The following SORCS2 variants were observed in gnomAD, a reference collection of about 807,000 sequenced individuals.
The protein encoded by SORCS2 is sortilin related VPS10 domain containing receptor 2.
Under a neutral mutation model 141.6 loss-of-function variants are expected in SORCS2, and 100 were observed. The observed-to-expected ratio is 0.71, with a 90% CI of 0.60 to 0.83. The LOEUF (loss-of-function observed/expected upper bound fraction) is 0.83, where lower values mean the gene tolerates loss of function less well. SORCS2 is among the 40% of genes least tolerant of loss of function. SORCS2 has a pLI of 0.00. For synonymous variants in SORCS2, 789 were observed against 676.9 expected, an observed-to-expected ratio of 1.17 and a Z score of -2.57; for missense variants, 1,646 against 1,560.2, an observed-to-expected ratio of 1.05 and a Z score of -0.93.
At chr4:7,215,369 G>A (rs554468570) in intron 1 of SORCS2, among the ~76,000 whole-genome samples, 3 of 152,222 alleles carry the variant, frequency 2.0e-5, no homozygotes, top group African/African-American at 7.2e-5. Context: ...CTTTCCGCGG[G>A]GCAGGGCTCG....
At chr4:7,225,340 G>C (rs1258677197) in intron 1 of SORCS2, among the ~76,000 whole-genome samples, 1 of 152,228 alleles carries the variant, frequency 6.6e-6, no homozygotes, top group Non-Finnish European at 1.5e-5. Context: ...TTTGTGTGCT[G>C]TACCCAGCCC....
intron 1 of SORCS2, among the ~76,000 whole-genome samples, chr4:7,364,908 A>G (rs1255331501): frequency 1.3e-5 from 2 of 152,204 alleles, no homozygotes; most frequent in African/African-American, 4.8e-5. Context: ...GAGCTAGCCT[A>G]CCGGGGTTCA....
intron 4 of SORCS2, among the ~76,000 whole-genome samples, chr4:7,639,757 G>T (rs1299404896): frequency 6.6e-6 from 1 of 151,560 alleles, no homozygotes; most frequent in Non-Finnish European, 1.5e-5. Context: ...ATGTATGAGT[G>T]TATGTGGGTG....
intron 25 of SORCS2, among the ~76,000 whole-genome samples, chr4:7,736,152 C>T (rs1043282263): frequency 6.6e-6 from 1 of 152,262 alleles, no homozygotes; most frequent in Non-Finnish European, 1.5e-5. Context: ...TCCCGGCTTG[C>T]TCAAGGGCTG....
intron 3 of SORCS2, among the ~76,000 whole-genome samples, chr4:7,543,110 G>A (rs771885154): frequency 6.6e-6 from 1 of 152,226 alleles, no homozygotes; most frequent in Non-Finnish European, 1.5e-5. Flanking sequence ...TGGAAACCAG[G>A]CTGAAGGACA....
intron 2 of SORCS2, among the ~76,000 whole-genome samples, chr4:7,455,334 AG>A (rs1440314164): frequency 3.1e-5 from 2 of 63,922 alleles, no homozygotes; most frequent in Non-Finnish European, 5.6e-5. Context: ...TGTTGGGGTC[AG>A]GCTCCGTGTT....
intron 3 of SORCS2, among the ~76,000 whole-genome samples, chr4:7,636,519 C>T (rs994449525): frequency 6.6e-6 from 1 of 152,050 alleles, no homozygotes; most frequent in African/African-American, 2.4e-5. Flanking sequence ...TTTTGTCTGC[C>T]GCCTTGTCTG....
chr4:7,353,458 T>C (rs908794010), intron 1 of SORCS2, among the ~76,000 whole-genome samples: 1 of 152,204 alleles, frequency 6.6e-6, no homozygotes, highest in South Asian at 2.1e-4. Context: ...TGCGGGTTCC[T>C]GTGTGAAGGG....
intron 1 of SORCS2, among the ~76,000 whole-genome samples, chr4:7,244,051 C>G (rs1712901641): frequency 1.3e-5 from 2 of 152,204 alleles, no homozygotes; most frequent in Non-Finnish European, 2.9e-5. Flanking sequence ...TGTCTCTTTG[C>G]CCCTATTTGT....
intron 1 of SORCS2, among the ~76,000 whole-genome samples, chr4:7,256,263 C>G (rs1211328967): frequency 1.3e-5 from 2 of 152,174 alleles, no homozygotes; most frequent in African/African-American, 4.8e-5. Context: ...TTGCTCCAGC[C>G]AGGGCCGCCA....
chr4:7,659,955 C>G (rs1050330139), intron 5 of SORCS2, among the ~76,000 whole-genome samples: 1 of 152,220 alleles, frequency 6.6e-6, no homozygotes, highest in Non-Finnish European at 1.5e-5. Flanking sequence ...GCTCTACTAG[C>G]TTTATGAGCT....
chr4:7,527,627 G>A (rs1198172285), intron 2 of SORCS2, among the ~76,000 whole-genome samples: 1 of 152,158 alleles, frequency 6.6e-6, no homozygotes, highest in Non-Finnish European at 1.5e-5. Context: ...AATGAATGTG[G>A]CTGGTTTTAA....
At chr4:7,637,127 G>A (rs544651038) in intron 3 of SORCS2, among the ~76,000 whole-genome samples, 7 of 152,306 alleles carry the variant, frequency 4.6e-5, no homozygotes, top group East Asian at 1.9e-4. Context: ...GCTTAGCCAC[G>A]TCTCCAATGA....
chr4:7,545,398 T>G (rs557531968), intron 3 of SORCS2, among the ~76,000 whole-genome samples: 3 of 152,312 alleles, frequency 2.0e-5, no homozygotes, highest in Admixed American at 2.0e-4. Context: ...TGATGGAGAC[T>G]TACCATGTGC....
At chr4:7,546,286 C>T (rs1331944337) in intron 3 of SORCS2, among the ~76,000 whole-genome samples, 1 of 152,172 alleles carries the variant, frequency 6.6e-6, no homozygotes, top group Non-Finnish European at 1.5e-5. Context: ...AGGCTCAATT[C>T]ACCAAGGCCT....
intron 1 of SORCS2, among the ~76,000 whole-genome samples, chr4:7,281,754 C>T (rs1715900654): frequency 6.6e-6 from 1 of 152,230 alleles, no homozygotes; most frequent in Non-Finnish European, 1.5e-5. Flanking sequence ...TCTTTCCTCT[C>T]ACCTCCTGCC....
intron 10 of SORCS2, among the ~76,000 whole-genome samples, chr4:7,683,588 A>C (rs1264138392): frequency 1.3e-5 from 2 of 152,230 alleles, no homozygotes. Context: ...CTGCTGGTAC[A>C]TCTGCTAAAT....
At chr4:7,614,045 T>G (rs1718593905) in intron 3 of SORCS2, among the ~76,000 whole-genome samples, 1 of 150,080 alleles carries the variant, frequency 6.7e-6, no homozygotes, top group African/African-American at 2.5e-5. Context: ...CATAATCCAT[T>G]TATCCATCCA....
chr4:7,300,746 G>A (rs1234267931), intron 1 of SORCS2, among the ~76,000 whole-genome samples: 2 of 152,132 alleles, frequency 1.3e-5, no homozygotes, highest in African/African-American at 2.4e-5. Flanking sequence ...CTACCCTCCC[G>A]TGACCCTGGT....
Sources: gnomAD v4.1 joint callset for allele counts (sites outside exome capture counted in the v4.1 genomes callset) on GRCh38, gnomAD v4.1.1 for gene constraint, MANE v1.5 for transcripts, NCBI Gene and HGNC (gene_info 2026-07-23, HGNC 2026-07-21) for gene names.